RNF216: variants seen among roughly 807,000 people sequenced by gnomAD.
RNF216 encodes the protein ring finger protein 216, also known as E3 ubiquitin-protein ligase RNF216.
Under a neutral mutation model 110.8 loss-of-function variants are expected in RNF216, and 72 were observed. That is an observed-to-expected ratio of 0.65 (90% CI 0.54 to 0.79). The LOEUF (loss-of-function observed/expected upper bound fraction) is 0.79, where lower values mean the gene tolerates loss of function less well. Ranked by LOEUF, RNF216 falls within the 30% of genes least tolerant of loss-of-function variation. The pLI, the probability that RNF216 is intolerant of heterozygous loss-of-function variation, is 0.00. For missense variants in RNF216, 1,342 were observed against 1,141.2 expected (o/e 1.18, Z -2.54); for synonymous variants, 495 against 407.5 (o/e 1.21, Z -2.59).
chr7:5,756,677 A>C (rs952800506), intron 2 of RNF216, among the ~76,000 whole-genome samples: 1 of 152,190 alleles, frequency 6.6e-6, no homozygotes, highest in Non-Finnish European at 1.5e-5. Flanking sequence ...CTAGAGTACA[A>C]TAGCATGAAC....
chr7:5,674,350 G>T (rs917453559), intron 13 of RNF216, among the ~76,000 whole-genome samples: 3 of 151,912 alleles, frequency 2.0e-5, no homozygotes, highest in Non-Finnish European at 4.4e-5. Context: ...GTACAGATGG[G>T]ATTTCACCAC....
intron 14 of RNF216, among the ~76,000 whole-genome samples, chr7:5,651,263 G>A (rs1233440994): frequency 1.3e-5 from 2 of 151,114 alleles, no homozygotes; most frequent in South Asian, 2.1e-4. Flanking sequence ...TCGCTCTGTC[G>A]CCCAGGCTGT....
chr7:5,626,685 G>A (rs896689836), intron 15 of RNF216, among the ~76,000 whole-genome samples: 3 of 150,832 alleles, frequency 2.0e-5, no homozygotes, highest in Non-Finnish European at 4.4e-5. Flanking sequence ...AAAAAAAAAA[G>A]GAAGAAAGAA....
intron 3 of RNF216, among the ~76,000 whole-genome samples, chr7:5,751,504 G>C (rs1469494613): frequency 1.3e-5 from 2 of 152,102 alleles, no homozygotes; most frequent in African/African-American, 2.4e-5. Flanking sequence ...AAGAAAGAGT[G>C]AACAACCAGT....
chr7:5,729,371 T>G, intron 7 of RNF216, 61 bp downstream of exon 7: 1 of 1,539,742 alleles, frequency 6.5e-7, no homozygotes, highest in Non-Finnish European at 9.0e-7. Flanking sequence ...CTGTTCATTC[T>G]GTTACCATGG....
chr7:5,668,683 A>C (rs1158609131), intron 13 of RNF216, among the ~76,000 whole-genome samples: 2 of 152,156 alleles, frequency 1.3e-5, no homozygotes, highest in Admixed American at 6.6e-5. Context: ...TAGGTGGGAG[A>C]CACCCAGAGT....
chr7:5,639,203 A>G (rs1787582307), intron 15 of RNF216, among the ~76,000 whole-genome samples: 1 of 152,160 alleles, frequency 6.6e-6, no homozygotes, highest in Admixed American at 6.5e-5. Flanking sequence ...CTTTAGCCTC[A>G]CTGCAGCCCC....
intron 5 of RNF216, among the ~76,000 whole-genome samples, chr7:5,733,992 TA>T (rs1413622447): frequency 6.6e-6 from 1 of 152,100 alleles, no homozygotes; most frequent in African/African-American, 2.4e-5. Context: ...CTTAGTAATT[TA>T]AAAAAATGTA....
In RNF216 at chr7:5,637,796, C is replaced by T. The variant is rs941536556; in HGVS notation, c.2382+3358G>A. ...ACTCAAGAGATCTGCCCGCCTTGGG[C>T]TCTCGAAGTGCTGGGATTACAGGCA... On this transcript the variant is annotated intron_variant, in intron 15 of 16. Transcript: ENST00000389902. 5.3e-5 allele frequency among the ~76,000 whole-genome samples: 8 copies of T among 152,310 alleles called. No homozygotes were observed. In the Middle Eastern group the frequency reaches 0.01, roughly 194 times the overall value.
At chr7:5,660,945 T>TTTG (rs1238859307) in intron 13 of RNF216, among the ~76,000 whole-genome samples, 27 of 93,912 alleles carry the variant, frequency 2.9e-4, no homozygotes, top group African/African-American at 1.4e-3. Context: ...AGCCTTAGGT[T>TTTG]TTTTTTTTTT....
chr7:5,764,107 C>T (rs530100866), intron 1 of RNF216, among the ~76,000 whole-genome samples: 2 of 151,788 alleles, frequency 1.3e-5, no homozygotes, highest in Non-Finnish European at 2.9e-5. Context: ...AGGAGAATTG[C>T]TTCAACCAGG....
At chr7:5,708,056 T>A (rs533216660) in intron 13 of RNF216, among the ~76,000 whole-genome samples, 3 of 152,322 alleles carry the variant, frequency 2.0e-5, no homozygotes, top group Non-Finnish European at 2.9e-5. Flanking sequence ...CTTTGTGAAT[T>A]TTCTTGCTGT....
chr7:5,625,070 C>A (rs1054211260), intron 15 of RNF216, among the ~76,000 whole-genome samples: 4 of 152,256 alleles, frequency 2.6e-5, no homozygotes, highest in African/African-American at 9.6e-5. Context: ...AAGTGGGTGC[C>A]CATCTTTCCT....
intron 1 of RNF216, chr7:5,780,315 C>G (rs1054068166): frequency 3.3e-5 from 5 of 152,190 alleles, no homozygotes; most frequent in African/African-American, 7.2e-5. Context: ...GTGAGGCCCT[C>G]TGCTCTGCTC....
At chr7:5,745,426 G>A (rs1285180727) in intron 3 of RNF216, among the ~76,000 whole-genome samples, 1 of 152,086 alleles carries the variant, frequency 6.6e-6, no homozygotes, top group Non-Finnish European at 1.5e-5. Context: ...GTGGCCATTC[G>A]TGCTCTTCTC....
chr7:5,768,838 T>C (rs895586735), intron 1 of RNF216, among the ~76,000 whole-genome samples: 2 of 151,598 alleles, frequency 1.3e-5, no homozygotes, highest in Non-Finnish European at 2.9e-5. Flanking sequence ...TTTTTTTGTA[T>C]TTTTAGTAGA....
intron 13 of RNF216, among the ~76,000 whole-genome samples, chr7:5,663,631 T>G (rs1047955583): frequency 5.6e-5 from 8 of 142,214 alleles, no homozygotes; most frequent in Admixed American, 1.4e-4. Flanking sequence ...CCGGGCACAG[T>G]GGTTCGTGCC....
intron 13 of RNF216, among the ~76,000 whole-genome samples, chr7:5,673,868 T>G (rs1790089751): frequency 6.7e-6 from 1 of 149,110 alleles, no homozygotes; most frequent in Non-Finnish European, 1.5e-5. Context: ...CATTTTTTTT[T>G]TTTTTTTTTT....
intron 1 of RNF216, among the ~76,000 whole-genome samples, chr7:5,779,690 G>A (rs915580848): frequency 1.3e-5 from 2 of 150,504 alleles, no homozygotes; most frequent in Non-Finnish European, 3.0e-5. Context: ...TTAGCCGAGC[G>A]TGGTGGTGCG....
Sources: allele counts gnomAD v4.1 joint callset (sites outside exome capture counted in the v4.1 genomes callset), GRCh38; gene constraint gnomAD v4.1.1; transcripts MANE v1.5; gene names NCBI Gene and HGNC (gene_info 2026-07-23, HGNC 2026-07-21).